The following MFSD8 variants were observed in gnomAD, a reference collection of about 807,000 sequenced individuals.
MFSD8 encodes major facilitator superfamily domain-containing protein 8.
Under a neutral mutation model 66.4 loss-of-function variants are expected in MFSD8, and 55 were observed. That is an observed-to-expected ratio of 0.83 (90% CI 0.67 to 1.04). The LOEUF (loss-of-function observed/expected upper bound fraction) is 1.04. MFSD8 is among the 50% of genes least tolerant of loss of function. The pLI is 0.00. For synonymous variants in MFSD8, 202 were observed against 212.8 expected, an observed-to-expected ratio of 0.95 and a Z score of 0.44; for missense variants, 550 against 627.6, an observed-to-expected ratio of 0.88 and a Z score of 1.32.
chr4:127,922,496 G>A (rs1378796317), intron 9 of MFSD8, among the ~76,000 whole-genome samples: 1 of 151,960 alleles, frequency 6.6e-6, no homozygotes, highest in Non-Finnish European at 1.5e-5. Context: ...GTGGTATTTG[G>A]TGCCTGTAGT....
rs1560745011 is a variant in MFSD8 at position 127,938,603 on chromosome 4, ATAAAT to A, written c.754+175_754+179del. On this transcript the variant is annotated intron_variant, in intron 7 of 11. Coordinates refer to ENST00000641686, the MANE Select transcript of MFSD8 (RefSeq NM_001371596.2). Reference sequence around the variant, plus strand: ...GTCTCAAAAAAAAAAAAATAAATAAATAAATAAATAAATAAATAAATAAATAAATA... The same window carrying A: ...GTCTCAAAAAAAAAAAAATAAATAAAAAATAAATAAATAAATAAATAAATA... Among the ~76,000 whole-genome samples the A allele has an allele frequency of 1.9e-4, 26 of 138,548 alleles. 2 individuals carry two copies. The highest frequency in any genetic ancestry group is 7.3e-4 in the African/African-American group (26 of 35,434). The allele number at this position is 138,548 out of a possible 152,430, so 90.9% of individuals were successfully genotyped here.
chr4:127,940,949 G>A (rs1312910648), intron 5 of MFSD8, among the ~76,000 whole-genome samples: 4 of 152,054 alleles, frequency 2.6e-5, no homozygotes, highest in East Asian at 1.9e-4. Flanking sequence ...AAAAGTCATC[G>A]AAGCTTTTCA....
upstream of MFSD8, chr4:127,965,381 G>A: frequency 1.7e-6 from 1 of 593,910 alleles, no homozygotes; most frequent in South Asian, 2.0e-5. Flanking sequence ...GGGACTGAGA[G>A]CCCAGGAGAG....
At chr4:127,921,155 A>G in intron 11 of MFSD8, 2 of 557,868 alleles carry the variant, frequency 3.6e-6, no homozygotes, top group Non-Finnish European at 6.3e-6. Flanking sequence ...TGCTTTAAAT[A>G]CATCATTTGT....
rs1736189532 is a variant in MFSD8 at position 127,920,498 on chromosome 4, A to T, written c.*132T>A. 2 of 846,162 alleles carry T rather than the reference A, an allele frequency of 2.4e-6. No homozygotes were observed. The highest frequency in any genetic ancestry group is 4.0e-6 in the Non-Finnish European group (2 of 499,212). The allele number at this position is 846,162 out of a possible 1,614,324, so 52.4% of individuals were successfully genotyped here. ...TAGAATTCTCTCTGTTATTCAACAT[A>T]TGTTCTTGTTCTTCAAAATCTGCAA... On this transcript the variant is annotated 3_prime_UTR_variant, in exon 12 of 12. Transcript: ENST00000641686.
At position 127,920,649 on chromosome 4, in the gene MFSD8, T is replaced by C. The variant is rs1385542021; in HGVS notation, c.1538A>G (p.Tyr513Cys). The C allele has an allele frequency of 6.2e-7, 1 of 1,613,896 alleles. No homozygotes were observed. The highest frequency in any genetic ancestry group is 8.5e-7 in the Non-Finnish European group (1 of 1,180,004). ...YKRLIALSVRYGRIQE is the reference protein window; with the variant it reads ...YKRLIALSVRCGRIQE ...GCTAGTTTATTCCTGAATCCTCCCA[T>C]ATCTTACAGAAAGAGCAATGAGTCT... Residue 513 changes from tyrosine (Y) to cysteine (C), a missense_variant, in exon 12 of 12, where the codon TAT (tyrosine) becomes TGT (cysteine). By Grantham distance (194) the Tyr-to-Cys change is radical. Coordinates refer to ENST00000641686, the MANE Select transcript of MFSD8 (RefSeq NM_001371596.2).
intron 3 of MFSD8, among the ~76,000 whole-genome samples, chr4:127,947,182 G>A (rs1741174981): frequency 6.6e-6 from 1 of 152,054 alleles, no homozygotes; most frequent in Non-Finnish European, 1.5e-5. Flanking sequence ...CTGAGGTCAG[G>A]CGTTCGAGAT....
At chr4:127,938,750 T>C in intron 7 of MFSD8, 33 bp downstream of exon 7, 2 of 1,549,996 alleles carry the variant, frequency 1.3e-6, no homozygotes, top group Non-Finnish European at 1.8e-6. Flanking sequence ...TTTGATAATG[T>C]TATATTAATT....
chr4:127,943,391 T>C (rs1302008631), intron 4 of MFSD8: 3 of 146,620 alleles, frequency 2.0e-5, no homozygotes, highest in African/African-American at 2.7e-5. Flanking sequence ...TTGTTTTGGG[T>C]TTTTTTTTTT....
rs1578787895 is a variant in MFSD8, at chr4:127,920,146, A to T, written c.*484T>A. ...AATTTTTATTTCATAAGTGAACTTG[A>T]TAATAGAAAATGCATTTTTTTATAA... On this transcript the variant is annotated 3_prime_UTR_variant, in exon 12 of 12. Transcript: ENST00000641686. 6.3e-6 allele frequency: 1 copy of T among 159,912 alleles called. No individual in the cohort carries two copies. Among genetic ancestry groups the T allele is most frequent in the East Asian group, 1.8e-4 (1 of 5,498 alleles). The allele number at this position is 159,912 out of a possible 1,614,324, so 9.9% of individuals were successfully genotyped here.
At chr4:127,933,479 A>G (rs1365980559) in intron 7 of MFSD8, 1 of 171,740 alleles carries the variant, frequency 5.8e-6, no homozygotes, top group African/African-American at 2.4e-5. Flanking sequence ...CCTGAGCTCA[A>G]CCAGTCCGCC....
At chr4:127,945,294 T>A (rs901863380) in intron 3 of MFSD8, 2 of 151,924 alleles carry the variant, frequency 1.3e-5, no homozygotes, top group Non-Finnish European at 2.9e-5. Flanking sequence ...TCCCTAAAGA[T>A]ATTTATTTAT....
intron 7 of MFSD8, among the ~76,000 whole-genome samples, chr4:127,934,072 C>G (rs1435561602): frequency 6.6e-6 from 1 of 152,030 alleles, no homozygotes; most frequent in Non-Finnish European, 1.5e-5. Context: ...AACCCCATCT[C>G]TACTAAAAAT....
At chr4:127,956,843 A>C in intron 2 of MFSD8, among the ~76,000 whole-genome samples, 1 of 151,676 alleles carries the variant, frequency 6.6e-6, no homozygotes, top group Non-Finnish European at 1.5e-5. Context: ...AAAAAGATGA[A>C]ATACTTTTGT....
chr4:127,948,029 G>A (rs533172563), intron 3 of MFSD8, among the ~76,000 whole-genome samples: 1 of 152,128 alleles, frequency 6.6e-6, no homozygotes, highest in Non-Finnish European at 1.5e-5. Flanking sequence ...GAAGCTAAGA[G>A]GTGGTGCCAT....
chr4:127,919,884 A>C lies in MFSD8; in HGVS notation c.*746T>G. On this transcript the variant is annotated 3_prime_UTR_variant, in exon 12 of 12. Coordinates refer to ENST00000641686, the MANE Select transcript of MFSD8 (RefSeq NM_001371596.2). ...ATATCTGGATTATGTTTCTAATGTG[A>C]ATTTTTGGCATTTGAAAGAAAGTAG... 1 of 152,114 alleles carries C rather than the reference A, an allele frequency of 6.6e-6. No homozygotes were observed. The allele number at this position is 152,114 out of a possible 1,614,324, so 9.4% of individuals were successfully genotyped here.
At chr4:127,930,936 A>C in intron 8 of MFSD8, 119 bp from the exon 9 acceptor site, 1 of 995,686 alleles carries the variant, frequency 1.0e-6, no homozygotes, top group Non-Finnish European at 1.5e-6. Flanking sequence ...CCTTTTAGCA[A>C]TGACAACAGA....
chr4:127,951,075 A>C (rs1741873799), intron 2 of MFSD8, among the ~76,000 whole-genome samples: 1 of 152,186 alleles, frequency 6.6e-6, no homozygotes, highest in South Asian at 2.1e-4. Flanking sequence ...AAAAGGAAAA[A>C]AAAGAAAAAA....
chr4:127,940,829 T>C (rs1254486986), intron 5 of MFSD8, among the ~76,000 whole-genome samples: 1 of 152,010 alleles, frequency 6.6e-6, no homozygotes, highest in East Asian at 1.9e-4. Flanking sequence ...GTAATTCACA[T>C]ATAACTCTAG....
Sources: gnomAD v4.1 joint callset for allele counts (sites outside exome capture counted in the v4.1 genomes callset) on GRCh38, gnomAD v4.1.1 for gene constraint, MANE v1.5 for transcripts, NCBI Gene and HGNC (gene_info 2026-07-23, HGNC 2026-07-21) for gene names.